PHLPP1: variants seen among roughly 807,000 people sequenced by gnomAD.
The protein encoded by PHLPP1 is PH domain leucine-rich repeat-containing protein phosphatase 1.
In PHLPP1, 42 loss-of-function variants were observed where a neutral mutation model predicts 117.2. The ratio of observed to expected loss-of-function variants is 0.36; its 90% CI spans 0.28 to 0.46. The LOEUF (loss-of-function observed/expected upper bound fraction) is 0.46. PHLPP1 is among the 20% of genes least tolerant of loss of function. The pLI, the probability that PHLPP1 is intolerant of heterozygous loss-of-function variation, is 1.00. For missense variants in PHLPP1, 2,084 were observed against 2,241.9 expected, an observed-to-expected ratio of 0.93 and a Z score of 1.42; for synonymous variants, 1,042 against 970.7, an observed-to-expected ratio of 1.07 and a Z score of -1.37.
At chr18:62,837,672 T>A (rs1490371555) in intron 2 of PHLPP1, 6 of 151,640 alleles carry the variant, frequency 4.0e-5, no homozygotes, top group Non-Finnish European at 8.8e-5. Flanking sequence ...TTTTTTTCCT[T>A]CCAAGTTTTT....
chr18:62,785,489 G>C (rs1913254048), intron 1 of PHLPP1, among the ~76,000 whole-genome samples: 1 of 152,204 alleles, frequency 6.6e-6, no homozygotes, highest in Non-Finnish European at 1.5e-5. Context: ...TGTTGGGCAA[G>C]ATTGATCTAC....
chr18:62,945,065 C>T (rs1302111228), intron 11 of PHLPP1, 44 bp from the exon 12 acceptor site: 1 of 1,363,036 alleles, frequency 7.3e-7, no homozygotes, highest in South Asian at 1.5e-5. Context: ...GATTCTCGTC[C>T]TATATTATTT....
chr18:62,966,979 C>G (rs1299647069), intron 14 of PHLPP1, among the ~76,000 whole-genome samples: 2 of 152,160 alleles, frequency 1.3e-5, no homozygotes, highest in Non-Finnish European at 2.9e-5. Context: ...TAGTATATGG[C>G]CTTCTCAGTC....
At chr18:62,819,854 C>T (rs149628246) in intron 1 of PHLPP1, among the ~76,000 whole-genome samples, 50 of 152,148 alleles carry the variant, frequency 3.3e-4, no homozygotes, top group Middle Eastern at 6.8e-3. Context: ...CCATGTTGGC[C>T]GCCAGGCTTT....
chr18:62,903,169 A>G lies in PHLPP1; in HGVS notation c.2647+3A>G, dbSNP rs1916767831. The G allele has an allele frequency of 8.1e-6, 13 of 1,596,334 alleles. No individual in the cohort carries two copies. Among genetic ancestry groups the G allele is most frequent in the African/African-American group, 1.3e-5 (1 of 74,772 alleles). ...AGCGCTCTATGCCTCTTCTAATGGTATGTATCATAGGCTACATCAAAGTTG... is the reference window on the plus strand; with the variant it reads ...AGCGCTCTATGCCTCTTCTAATGGTGTGTATCATAGGCTACATCAAAGTTG... On this transcript the variant is annotated splice_donor_region_variant and intron_variant, in intron 7 of 16. Coordinates refer to ENST00000262719, the MANE Select transcript of PHLPP1 (RefSeq NM_194449.4).
chr18:62,798,571 A>G (rs937050734), intron 1 of PHLPP1, among the ~76,000 whole-genome samples: 1 of 152,230 alleles, frequency 6.6e-6, no homozygotes, highest in Non-Finnish European at 1.5e-5. Flanking sequence ...AAGTCTTCAG[A>G]AACATTTTAG....
chr18:62,798,083 A>G (rs1329485909), intron 1 of PHLPP1, among the ~76,000 whole-genome samples: 1 of 152,208 alleles, frequency 6.6e-6, no homozygotes, highest in East Asian at 1.9e-4. Flanking sequence ...TGCTTCTCAA[A>G]CTTGAGCATG....
chr18:62,776,908 T>C (rs75992814), intron 1 of PHLPP1, among the ~76,000 whole-genome samples: 3,892 of 152,312 alleles, frequency 0.026, 75 homozygotes, highest in Non-Finnish European at 0.042. Context: ...ATGCCCAGCC[T>C]GCTGACTGGT....
At chr18:62,941,593 A>C (rs1167828925) in intron 10 of PHLPP1, 125 bp from the exon 11 acceptor site, 1 of 666,920 alleles carries the variant, frequency 1.5e-6, no homozygotes, top group East Asian at 2.7e-5. Context: ...CCTTGAAGCC[A>C]GGGCTTGTCT....
intron 2 of PHLPP1, chr18:62,832,264 T>G (rs1914779288): frequency 6.6e-6 from 1 of 152,196 alleles, no homozygotes; most frequent in African/African-American, 2.4e-5. Flanking sequence ...ATGATATCTG[T>G]TGTAAGAAAG....
chr18:62,741,218 G>A (rs1911517854), intron 1 of PHLPP1, among the ~76,000 whole-genome samples: 1 of 152,190 alleles, frequency 6.6e-6, no homozygotes, highest in Admixed American at 6.5e-5. Context: ...AGGCCCTGGT[G>A]GAATGGCTGT....
intron 4 of PHLPP1, among the ~76,000 whole-genome samples, chr18:62,886,623 C>T (rs756488067): frequency 6.6e-6 from 1 of 152,134 alleles, no homozygotes; most frequent in Non-Finnish European, 1.5e-5. Flanking sequence ...AAGGAGACTT[C>T]AGGTTTGTTT....
intron 14 of PHLPP1, among the ~76,000 whole-genome samples, chr18:62,966,593 C>T (rs1487547017): frequency 1.3e-5 from 2 of 151,540 alleles, no homozygotes; most frequent in Non-Finnish European, 2.9e-5. Context: ...GCCTCAGCCT[C>T]CTGAGTAGCT....
intron 13 of PHLPP1, among the ~76,000 whole-genome samples, chr18:62,962,464 T>G (rs896484540): frequency 6.6e-6 from 1 of 152,130 alleles, no homozygotes; most frequent in Admixed American, 6.5e-5. Context: ...TGCACCACCA[T>G]GCCCAGCTAA....
chr18:62,881,660 C>T (rs576197477), intron 4 of PHLPP1, among the ~76,000 whole-genome samples: 2 of 152,174 alleles, frequency 1.3e-5, no homozygotes, highest in Non-Finnish European at 2.9e-5. Context: ...CATTAGCATC[C>T]GTGCACTGCT....
intron 1 of PHLPP1, among the ~76,000 whole-genome samples, chr18:62,747,089 G>A (rs1169821312): frequency 6.6e-6 from 1 of 151,916 alleles, no homozygotes; most frequent in Non-Finnish European, 1.5e-5. Context: ...CCATGGCTTT[G>A]TAACTTTTAT....
chr18:62,859,990 A>T (rs935919741), intron 3 of PHLPP1, among the ~76,000 whole-genome samples: 1 of 152,216 alleles, frequency 6.6e-6, no homozygotes, highest in African/African-American at 2.4e-5. Flanking sequence ...CAGTTTCTTC[A>T]TGGTGCAAAC....
intron 1 of PHLPP1, among the ~76,000 whole-genome samples, chr18:62,815,130 G>A (rs1599061563): frequency 6.6e-6 from 1 of 151,380 alleles, no homozygotes. Flanking sequence ...GGATTTGACC[G>A]TGGCTGGAGG....
intron 4 of PHLPP1, among the ~76,000 whole-genome samples, chr18:62,868,032 G>T (rs959777441): frequency 6.6e-6 from 1 of 151,946 alleles, no homozygotes; most frequent in Non-Finnish European, 1.5e-5. Context: ...GGATGGTCTC[G>T]ATCTTCTGAC....
Sources: allele counts gnomAD v4.1 joint callset (sites outside exome capture counted in the v4.1 genomes callset), GRCh38; gene constraint gnomAD v4.1.1; transcripts MANE v1.5; gene names NCBI Gene and HGNC (gene_info 2026-07-23, HGNC 2026-07-21).